Variants in DAOA observed in about 807,000 individuals in gnomAD.
The protein encoded by DAOA is D-amino acid oxidase activator, also known as D-amino acid oxidase regulator.
DAOA carries 15 observed loss-of-function variants against 16.4 expected under a neutral mutation model. The observed-to-expected ratio is 0.91, with a 90% CI of 0.61 to 1.41. The LOEUF (loss-of-function observed/expected upper bound fraction) is 1.41. DAOA is among the 40% of genes most tolerant of loss of function. The pLI is 0.00. For missense variants in DAOA, 230 were observed against 176.8 expected (o/e 1.30, Z -1.71); for synonymous variants, 75 against 59.1 (o/e 1.27, Z -1.23).
intron 4 of DAOA, among the ~76,000 whole-genome samples, chr13:105,484,778 A>C (rs1462072033): frequency 6.6e-6 from 1 of 152,090 alleles, no homozygotes; most frequent in Admixed American, 6.6e-5. Context: ...CCTCCTATAC[A>C]ATTTGGATGC....
At position 105,489,998 on chromosome 13, in the gene DAOA, G is replaced by A. The variant is rs747137269; in HGVS notation, c.379G>A (p.Glu127Lys). 1 of 1,612,916 alleles carries A rather than the reference G, an allele frequency of 6.2e-7. No individual in the cohort carries two copies. Among genetic ancestry groups the A allele is most frequent in the East Asian group, 2.2e-5 (1 of 44,760 alleles). ...CTCTAAGGACCGCAGGCAGCCTCTA[G>A]AACGAATGTGGACCTGCAACTACAA... ...EASKDRRQPL[E>K]RMWTCNYNQQ... Residue 127 changes from glutamate (E) to lysine (K), a missense_variant, in exon 5 of 6, where the codon GAA (glutamate) becomes AAA (lysine). Physicochemically the swap from Glu to Lys is moderately conservative, Grantham distance 56. Transcript: ENST00000375936.
intron 4 of DAOA, among the ~76,000 whole-genome samples, chr13:105,473,178 T>TG (rs397783819): frequency 1.3e-5 from 2 of 151,624 alleles, no homozygotes; most frequent in Non-Finnish European, 2.9e-5. Flanking sequence ...TGTGTGTGTG[T>TG]TTGTGTGTGT....
chr13:105,484,745 C>A lies in DAOA; in HGVS notation c.282-5156C>A, dbSNP rs1877993707. 2.6e-5 allele frequency among the ~76,000 whole-genome samples: 4 copies of A among 152,158 alleles called. No homozygotes were observed. The South Asian group carries it at 6.2e-4, about 24-fold the overall frequency. On this transcript the variant is annotated intron_variant, in intron 4 of 5. Coordinates refer to ENST00000375936, the MANE Select transcript of DAOA (RefSeq NM_172370.5). ...TTATTTATATAGTTTATGATATTGT[C>A]TACAGATAAAACCAGTTTATTTCCT...
At chr13:105,477,960 T>C (rs9284227) in intron 4 of DAOA, among the ~76,000 whole-genome samples, 11 of 152,272 alleles carry the variant, frequency 7.2e-5, no homozygotes, top group Admixed American at 7.2e-4. Context: ...AGACTTTGCC[T>C]CAAACCAAAA....
intron 2 of DAOA, 164 bp from the exon 3 acceptor site, chr13:105,466,889 A>C (rs996429676): frequency 1.0e-6 from 1 of 984,204 alleles, no homozygotes; most frequent in African/African-American, 1.7e-5. Flanking sequence ...ATCTTCATCT[A>C]TAAAAATAAA....
intron 4 of DAOA, among the ~76,000 whole-genome samples, chr13:105,480,152 G>A (rs1272257663): frequency 3.9e-5 from 6 of 152,056 alleles, no homozygotes. Context: ...CTTATAAATT[G>A]AAATAGTAAG....
intron 3 of DAOA, among the ~76,000 whole-genome samples, chr13:105,470,048 G>T (rs1285075107): frequency 1.3e-5 from 2 of 149,148 alleles, no homozygotes; most frequent in African/African-American, 2.5e-5. Context: ...ACCAAAATTT[G>T]ATCTACTTTT....
chr13:105,471,327 T>C (rs1184717998), intron 3 of DAOA, among the ~76,000 whole-genome samples: 1 of 50,730 alleles, frequency 2.0e-5, no homozygotes, highest in Non-Finnish European at 3.9e-5. Context: ...TTTATATTGA[T>C]CAAGGTGAAG....
intron 4 of DAOA, among the ~76,000 whole-genome samples, chr13:105,483,328 T>G (rs1446156829): frequency 6.6e-6 from 1 of 152,242 alleles, no homozygotes; most frequent in South Asian, 2.1e-4. Context: ...AGAAGTCTTA[T>G]AATGAAGATA....
intron 3 of DAOA, among the ~76,000 whole-genome samples, chr13:105,469,766 C>G (rs1594104355): frequency 6.6e-6 from 1 of 152,128 alleles, no homozygotes; most frequent in East Asian, 1.9e-4. Context: ...TGGTATCAAG[C>G]TGAATTTTGT....
At chr13:105,487,890 T>G (rs1037396092) in intron 4 of DAOA, among the ~76,000 whole-genome samples, 4 of 152,288 alleles carry the variant, frequency 2.6e-5, no homozygotes, top group Admixed American at 6.5e-5. Flanking sequence ...AGGCAACATT[T>G]AAAAAGCCAT....
intron 3 of DAOA, among the ~76,000 whole-genome samples, chr13:105,471,641 T>C (rs1003243095): frequency 1.3e-5 from 2 of 152,204 alleles, no homozygotes; most frequent in Non-Finnish European, 2.9e-5. Context: ...TCAAAGATTT[T>C]ACTTGATTAA....
At position 105,479,101 on chromosome 13, in the gene DAOA, C is replaced by T. The variant is rs78550412; in HGVS notation, c.281+6416C>T. Among the ~76,000 whole-genome samples the T allele has an allele frequency of 5.1e-3, 780 of 152,250 alleles. 7 individuals carry two copies. The highest frequency in any genetic ancestry group is 0.017 in the African/African-American group (716 of 41,528). On this transcript the variant is annotated intron_variant, in intron 4 of 5. Coordinates refer to ENST00000375936, the MANE Select transcript of DAOA (RefSeq NM_172370.5). ...CCATTTATCTTTATCTCTTTATCTT[C>T]GCTATAAATTTCTCCTCACCTTTTA...
rs547371687 is a variant in DAOA, at chr13:105,470,094, A to T, written c.134-2444A>T. On this transcript the variant is annotated intron_variant, in intron 3 of 5. Transcript: ENST00000375936. The stretch of plus-strand genomic sequence containing the variant: ...CAGGCTGGACATGTTTCTTTACTGG[A>T]TTAATCATCTTGCTCATTGGAATTT... Among the ~76,000 whole-genome samples the T allele has an allele frequency of 3.7e-3, 553 of 147,766 alleles. 3 individuals are homozygous for T. Among genetic ancestry groups the T allele is most frequent in the African/African-American group, 0.013 (511 of 40,052 alleles).
At chr13:105,470,848 T>C (rs539166240) in intron 3 of DAOA, among the ~76,000 whole-genome samples, 1 of 152,208 alleles carries the variant, frequency 6.6e-6, no homozygotes, top group South Asian at 2.1e-4. Flanking sequence ...TCGAGTGCAG[T>C]GACACGATCT....
intron 3 of DAOA, among the ~76,000 whole-genome samples, chr13:105,468,957 G>C (rs1238644334): frequency 1.3e-5 from 2 of 152,192 alleles, no homozygotes; most frequent in Admixed American, 6.5e-5. Flanking sequence ...AACATGAAAT[G>C]TGGGAATAGC....
intron 4 of DAOA, among the ~76,000 whole-genome samples, chr13:105,476,865 C>A (rs1446372169): frequency 1.3e-5 from 2 of 152,054 alleles, no homozygotes; most frequent in South Asian, 2.1e-4. Flanking sequence ...TCCTTCACCC[C>A]CTACAGAGCC....
intron 4 of DAOA, chr13:105,474,960 A>C: frequency 1.1e-6 from 1 of 942,308 alleles, no homozygotes; most frequent in Non-Finnish European, 1.3e-6. Flanking sequence ...ACGAACATTC[A>C]CCTCATTTTT....
intron 4 of DAOA, among the ~76,000 whole-genome samples, chr13:105,479,622 G>T (rs1176594943): frequency 6.6e-6 from 1 of 152,060 alleles, no homozygotes; most frequent in Non-Finnish European, 1.5e-5. Flanking sequence ...ATTCCCTGTG[G>T]CTCTGCTCCT....
Sources: gnomAD v4.1 joint callset for allele counts (sites outside exome capture counted in the v4.1 genomes callset) on GRCh38, gnomAD v4.1.1 for gene constraint, MANE v1.5 for transcripts, NCBI Gene and HGNC (gene_info 2026-07-23, HGNC 2026-07-21) for gene names.